Variants in IFT74 observed in about 807,000 individuals in gnomAD.
IFT74 encodes intraflagellar transport 74.
Under a neutral mutation model 96.7 loss-of-function variants are expected in IFT74, and 92 were observed. That is an observed-to-expected ratio of 0.95 (90% CI 0.80 to 1.13). IFT74 has a LOEUF of 1.13. Ranked by LOEUF, IFT74 falls within the 50% of genes most tolerant of loss-of-function variation. IFT74 has a pLI of 0.00. For synonymous variants in IFT74, 223 were observed against 213.2 expected (o/e 1.05, Z -0.40); for missense variants, 811 against 698.2 (o/e 1.16, Z -1.82).
upstream of IFT74, among the ~76,000 whole-genome samples, chr9:26,953,035 T>C (rs1825981915): frequency 6.6e-6 from 1 of 152,144 alleles, no homozygotes; most frequent in African/African-American, 2.4e-5. Context: ...ATAGAAACAT[T>C]GACTTTTAGG....
At chr9:27,028,851 A>G (rs1296027399) in intron 12 of IFT74, 174 bp from the exon 13 acceptor site, 1 of 517,796 alleles carries the variant, frequency 1.9e-6, no homozygotes, top group African/African-American at 2.0e-5. Context: ...TATTTATGCA[A>G]TTTGTAAAAG....
At chr9:26,978,503 C>T (rs1827223182) in intron 3 of IFT74, among the ~76,000 whole-genome samples, 1 of 152,022 alleles carries the variant, frequency 6.6e-6, no homozygotes, top group African/African-American at 2.4e-5. Context: ...GGTTAAACAA[C>T]AGAGTGAATA....
Position 27,062,730 on chromosome 9 carries a change from A to G in IFT74, c.1797A>G (p.Gly599=), listed in dbSNP as rs1457226117. The G allele has an allele frequency of 1.2e-5, 18 of 1,554,852 alleles. No homozygotes were observed. Among genetic ancestry groups the G allele is most frequent in the Non-Finnish European group, 1.5e-5 (17 of 1,131,712 alleles). Residue 599 remains glycine (G), a synonymous_variant, in exon 20 of 20, where the codon GGA becomes GGG. Coordinates refer to ENST00000380062, the MANE Select transcript of IFT74 (RefSeq NM_025103.4). The stretch of plus-strand genomic sequence containing the variant: ...TGGATGCTTTACATAGCACCAGCGG[A>G]AACTGAGTTTAAGTCCACTGAAAGT... ...TIVDALHSTS[G]N is the part of the protein sequence containing the mutation.
chr9:26,996,637 G>C, intron 8 of IFT74: 1 of 495,724 alleles, frequency 2.0e-6, no homozygotes, highest in African/African-American at 2.0e-5. Flanking sequence ...TATTTGTCTA[G>C]CAACATAATG....
At chr9:27,053,528 T>G (rs1363431530) in intron 16 of IFT74, among the ~76,000 whole-genome samples, 1 of 152,198 alleles carries the variant, frequency 6.6e-6, no homozygotes, top group Non-Finnish European at 1.5e-5. Context: ...AGTGGTTCCT[T>G]CTGAGATTTT....
intron 8 of IFT74, chr9:26,994,118 G>A (rs1828018437): frequency 6.6e-6 from 1 of 152,164 alleles, no homozygotes; most frequent in Non-Finnish European, 1.5e-5. Context: ...ATTGAACTAC[G>A]AGCTCTTAGT....
At chr9:27,011,082 G>GTC (rs1396109331) in intron 9 of IFT74, among the ~76,000 whole-genome samples, 1 of 152,104 alleles carries the variant, frequency 6.6e-6, no homozygotes, top group Non-Finnish European at 1.5e-5. Flanking sequence ...GTGAAACCCT[G>GTC]TCTCTACTAA....
intron 8 of IFT74, among the ~76,000 whole-genome samples, chr9:27,007,976 C>T (rs1828873411): frequency 6.6e-6 from 1 of 152,132 alleles, no homozygotes; most frequent in South Asian, 2.1e-4. Context: ...AGTGACATGT[C>T]ATTGGTATTT....
At chr9:27,039,078 C>T (rs920335012) in intron 13 of IFT74, among the ~76,000 whole-genome samples, 3 of 152,164 alleles carry the variant, frequency 2.0e-5, no homozygotes, top group Non-Finnish European at 2.9e-5. Flanking sequence ...TACAGTGCTG[C>T]GCATCTCACC....
chr9:27,027,280 G>T (rs1313416982), intron 12 of IFT74, among the ~76,000 whole-genome samples: 1 of 151,764 alleles, frequency 6.6e-6, no homozygotes, highest in Non-Finnish European at 1.5e-5. Context: ...TAGAAACTCT[G>T]AACAGACCAT....
At chr9:26,972,905 T>G (rs1259349104) in intron 2 of IFT74, among the ~76,000 whole-genome samples, 1 of 152,210 alleles carries the variant, frequency 6.6e-6, no homozygotes, top group Non-Finnish European at 1.5e-5. Context: ...TCACCCACTT[T>G]TTTTATATCT....
chr9:26,980,205 C>A (rs1031507692), intron 3 of IFT74, among the ~76,000 whole-genome samples: 5 of 152,158 alleles, frequency 3.3e-5, no homozygotes, highest in Non-Finnish European at 5.9e-5. Flanking sequence ...TCTGTAGTCC[C>A]TCTGTCCACT....
chr9:26,955,422 T>C (rs905974859), upstream of IFT74, among the ~76,000 whole-genome samples: 1 of 152,146 alleles, frequency 6.6e-6, no homozygotes, highest in Non-Finnish European at 1.5e-5. Flanking sequence ...CCAAATTAGA[T>C]TGGAGAGTCT....
intron 10 of IFT74, among the ~76,000 whole-genome samples, chr9:27,014,910 ATTTCT>A (rs1829272103): frequency 6.6e-6 from 1 of 152,060 alleles, no homozygotes; most frequent in Non-Finnish European, 1.5e-5. Context: ...CCCAGCCCAG[ATTTCT>A]TTTATTTATT....
At chr9:26,951,517 T>A (rs1825929174), upstream of IFT74, among the ~76,000 whole-genome samples, 2 of 151,992 alleles carry the variant, frequency 1.3e-5, no homozygotes, top group South Asian at 4.1e-4. Context: ...CATGTACAGA[T>A]CTTAGAAAAT....
At chr9:26,963,639 A>G (rs1032758757) in intron 2 of IFT74, among the ~76,000 whole-genome samples, 11 of 151,730 alleles carry the variant, frequency 7.2e-5, no homozygotes, top group South Asian at 2.1e-4. Flanking sequence ...TGACTTTTTA[A>G]TGATCGCCAT....
At chr9:26,996,459 C>A in intron 8 of IFT74, 2 of 1,548,128 alleles carry the variant, frequency 1.3e-6, no homozygotes, top group Non-Finnish European at 1.8e-6. Context: ...TGTAGCTCTG[C>A]AGGCTGTTGG....
intron 8 of IFT74, chr9:26,995,545 G>T (rs770541602): frequency 1.1e-5 from 17 of 1,567,816 alleles, no homozygotes; most frequent in Non-Finnish European, 2.6e-6. Context: ...ATAATTCATG[G>T]ATATCTATAT....
intron 3 of IFT74, among the ~76,000 whole-genome samples, chr9:26,979,911 C>T (rs1311650478): frequency 6.6e-6 from 1 of 151,740 alleles, no homozygotes; most frequent in Non-Finnish European, 1.5e-5. Flanking sequence ...GATGGGGTTT[C>T]ACCATATTGG....
Sources: allele counts gnomAD v4.1 joint callset (sites outside exome capture counted in the v4.1 genomes callset), GRCh38; gene constraint gnomAD v4.1.1; transcripts MANE v1.5; gene names NCBI Gene and HGNC (gene_info 2026-07-23, HGNC 2026-07-21).